GRB2: variants seen among roughly 807,000 people sequenced by gnomAD.
GRB2 encodes growth factor receptor bound protein 2.
Under a neutral mutation model 27.4 loss-of-function variants are expected in GRB2, and 2 were observed. That is an observed-to-expected ratio of 0.07 (90% CI 0.03 to 0.23). The LOEUF is 0.23. Ranked by LOEUF, GRB2 falls within the 10% of genes least tolerant of loss-of-function variation. The pLI is 1.00. For missense variants in GRB2, 102 were observed against 282.4 expected (o/e 0.36, Z 4.58); for synonymous variants, 94 against 99.6 (o/e 0.94, Z 0.33).
chr17:75,360,173 C>T (rs1483904692), intron 2 of GRB2, among the ~76,000 whole-genome samples: 2 of 135,040 alleles, frequency 1.5e-5, no homozygotes, highest in Non-Finnish European at 3.2e-5. Context: ...CAAATGTAAA[C>T]AAGGAAATGT....
At position 75,339,143 on chromosome 17, in the gene GRB2, T is replaced by C. The variant is rs377100892; in HGVS notation, c.79-6346A>G. On this transcript the variant is annotated intron_variant, in intron 2 of 5. Transcript: ENST00000316804. ...AAGAGAAAGGGCCAAGTGATCCAGT[T>C]CTAAGTGTCATCTTTTGTTTTATTA... 3.6e-5 allele frequency: 44 copies of C among 1,221,180 alleles called. No homozygotes were observed. The East Asian group carries it at 3.7e-4, about 10-fold the overall frequency. The allele number at this position is 1,221,180 out of a possible 1,614,324, so 75.6% of individuals were successfully genotyped here. A position where few individuals can be genotyped will look rare whatever the true frequency, so the allele number is the denominator to read the frequency against.
chr17:75,371,206 C>T (rs1410377631), intron 2 of GRB2: 1 of 151,212 alleles, frequency 6.6e-6, no homozygotes, highest in Non-Finnish European at 1.5e-5. Context: ...ATCGTAAGCA[C>T]AGTAAAGTGT....
intron 2 of GRB2, among the ~76,000 whole-genome samples, chr17:75,344,058 G>T (rs1371068482): frequency 6.6e-6 from 1 of 152,178 alleles, no homozygotes; most frequent in Non-Finnish European, 1.5e-5. Flanking sequence ...TCAGGAGTGG[G>T]GAGTTATGGG....
At chr17:75,356,968 T>G (rs1455537493) in intron 2 of GRB2, among the ~76,000 whole-genome samples, 1 of 152,232 alleles carries the variant, frequency 6.6e-6, no homozygotes, top group Admixed American at 6.5e-5. Context: ...CTCATTCCTT[T>G]AGTTTCCCCA....
intron 2 of GRB2, among the ~76,000 whole-genome samples, chr17:75,353,594 T>G (rs915870655): frequency 1.3e-5 from 2 of 151,214 alleles, no homozygotes; most frequent in Non-Finnish European, 2.9e-5. Flanking sequence ...ACCCCGCCTC[T>G]ACTAAAAACA....
intron 3 of GRB2, among the ~76,000 whole-genome samples, 161 bp downstream of exon 3, chr17:75,332,536 ATAT>A (rs2078548303): frequency 6.6e-6 from 1 of 152,216 alleles, no homozygotes; most frequent in African/African-American, 2.4e-5. Context: ...TGACTATGAT[ATAT>A]TATTATATAC....
intron 2 of GRB2, among the ~76,000 whole-genome samples, chr17:75,348,926 T>G (rs1340705616): frequency 6.6e-6 from 1 of 152,184 alleles, no homozygotes; most frequent in Non-Finnish European, 1.5e-5. Context: ...TCCGCCCACC[T>G]CAGCCTCCCA....
At chr17:75,381,542 C>T (rs979796824) in intron 2 of GRB2, among the ~76,000 whole-genome samples, 1 of 150,206 alleles carries the variant, frequency 6.7e-6, no homozygotes, top group African/African-American at 2.5e-5. Context: ...CATAGTGAAA[C>T]CCTCGTCTCT....
intron 2 of GRB2, among the ~76,000 whole-genome samples, chr17:75,362,924 G>A (rs1425449330): frequency 6.6e-6 from 1 of 152,186 alleles, no homozygotes; most frequent in Admixed American, 6.5e-5. Flanking sequence ...GGGGGTAGAG[G>A]AAGGAAGAGG....
chr17:75,356,334 GT>G (rs2078733515), intron 2 of GRB2, among the ~76,000 whole-genome samples: 1 of 151,892 alleles, frequency 6.6e-6, no homozygotes, highest in Non-Finnish European at 1.5e-5. Context: ...TAGGCAACAT[GT>G]TGTGAAACCC....
At chr17:75,390,807 T>C (rs1349872406) in intron 2 of GRB2, among the ~76,000 whole-genome samples, 2 of 152,174 alleles carry the variant, frequency 1.3e-5, no homozygotes, top group Admixed American at 6.6e-5. Context: ...GAAGGCTAAG[T>C]GCCTATTTCA....
chr17:75,330,627 T>C lies in GRB2; in HGVS notation c.176+2073A>G, dbSNP rs533323247. Among the ~76,000 whole-genome samples, 4 of 151,188 alleles carry C rather than the reference T, an allele frequency of 2.6e-5. No individual in the cohort carries two copies. The East Asian group carries it at 5.9e-4, about 22-fold the overall frequency. ...AGGCGGAGGTTGCAGTGAGCTGAGA[T>C]AGCACCACTGCACTCCAGCCTGGGC... On this transcript the variant is annotated intron_variant, in intron 3 of 5. Transcript: ENST00000316804.
intron 4 of GRB2, among the ~76,000 whole-genome samples, chr17:75,323,618 G>A (rs181163367): frequency 2.1e-4 from 32 of 152,240 alleles, no homozygotes; most frequent in Non-Finnish European, 4.4e-4. Context: ...GATTCTACTT[G>A]AGAAAATGGA....
Position 75,389,181 on chromosome 17 carries a change from C to T in GRB2, c.78+4370G>A, listed in dbSNP as rs1489782046. Among the ~76,000 whole-genome samples the T allele has an allele frequency of 3.3e-5, 5 of 152,196 alleles. No homozygotes were observed. The South Asian group carries it at 6.2e-4, about 19-fold the overall frequency. ...CTGGGCTTTTCTCACCTCGCTCCAA[C>T]TCTACCTTATTTTCCACTATGTCAG... On this transcript the variant is annotated intron_variant, in intron 2 of 5. Transcript: ENST00000316804.
chr17:75,350,772 G>A lies in GRB2; in HGVS notation c.79-17975C>T, dbSNP rs940783758. On this transcript the variant is annotated intron_variant, in intron 2 of 5. Coordinates refer to ENST00000316804, the MANE Select transcript of GRB2 (RefSeq NM_002086.5). ...CTCCCAAAGTGCTGGGATTACAGGC[G>A]TGAAGCACCGTGCCTGGCCACTTGG... Among the ~76,000 whole-genome samples, 5 of 152,320 alleles carry A rather than the reference G, an allele frequency of 3.3e-5. No individual in the cohort carries two copies. The South Asian group carries it at 1.0e-3, about 32-fold the overall frequency.
At chr17:75,359,769 C>T (rs530014480) in intron 2 of GRB2, among the ~76,000 whole-genome samples, 2 of 152,180 alleles carry the variant, frequency 1.3e-5, no homozygotes, top group African/African-American at 4.8e-5. Context: ...AAACTCAAGA[C>T]CTAATTTAAG....
chr17:75,380,770 CAAA>C (rs1221313173), intron 2 of GRB2, among the ~76,000 whole-genome samples: 1 of 152,134 alleles, frequency 6.6e-6, no homozygotes, highest in Non-Finnish European at 1.5e-5. Context: ...AAAAATAGCA[CAAA>C]ATAAAATGTG....
intron 1 of GRB2, among the ~76,000 whole-genome samples, chr17:75,399,906 G>A (rs184147260): frequency 9.2e-4 from 140 of 151,844 alleles, no homozygotes; most frequent in Middle Eastern, 3.4e-3. Context: ...TCCTGACCTC[G>A]TGATCCGCCT....
At chr17:75,398,431 C>T (rs563799696) in intron 1 of GRB2, among the ~76,000 whole-genome samples, 1 of 151,686 alleles carries the variant, frequency 6.6e-6, no homozygotes, top group Non-Finnish European at 1.5e-5. Context: ...ATAGCCTACT[C>T]ATTTTTTTTT....
Sources: gnomAD v4.1 joint callset for allele counts (sites outside exome capture counted in the v4.1 genomes callset) on GRCh38, gnomAD v4.1.1 for gene constraint, MANE v1.5 for transcripts, NCBI Gene and HGNC (gene_info 2026-07-23, HGNC 2026-07-21) for gene names.